The following NOS1AP variants were observed in gnomAD, a reference collection of about 807,000 sequenced individuals.
The protein encoded by NOS1AP is carboxyl-terminal PDZ ligand of neuronal nitric oxide synthase protein.
A neutral mutation model predicts 56.2 loss-of-function variants in NOS1AP; 21 were observed. The ratio of observed to expected loss-of-function variants is 0.37; its 90% CI spans 0.26 to 0.54. The LOEUF (loss-of-function observed/expected upper bound fraction) is 0.54. Among genes scored for constraint, NOS1AP ranks in the 20% least tolerant of loss-of-function variants. The pLI, the probability that NOS1AP is intolerant of heterozygous loss-of-function variation, is 0.84. For synonymous variants in NOS1AP, 270 were observed against 274.6 expected, an observed-to-expected ratio of 0.98 and a Z score of 0.17; for missense variants, 522 against 657.8, an observed-to-expected ratio of 0.79 and a Z score of 2.26.
At chr1:162,091,136 C>G (rs1425909987) in intron 1 of NOS1AP, among the ~76,000 whole-genome samples, 1 of 152,020 alleles carries the variant, frequency 6.6e-6, no homozygotes, top group Non-Finnish European at 1.5e-5. Flanking sequence ...CTTCTCTTTT[C>G]TTTGTCTCTG....
At chr1:162,272,009 A>T (rs1654595365) in intron 2 of NOS1AP, among the ~76,000 whole-genome samples, 1 of 152,084 alleles carries the variant, frequency 6.6e-6, no homozygotes, top group South Asian at 2.1e-4. Flanking sequence ...CCTCCTGAGT[A>T]GGGACTGCCA....
intron 5 of NOS1AP, chr1:162,342,703 T>C (rs1657148622): frequency 2.5e-6 from 1 of 396,154 alleles, no homozygotes; most frequent in Non-Finnish European, 5.2e-6. Context: ...AGCTACCTCA[T>C]GCTGATGAAA....
chr1:162,116,814 A>G (rs532304469), intron 1 of NOS1AP, among the ~76,000 whole-genome samples: 8 of 152,188 alleles, frequency 5.3e-5, no homozygotes, highest in Non-Finnish European at 1.2e-4. Flanking sequence ...AGAGAACTTC[A>G]CTTGCCTGCC....
At chr1:162,229,650 A>G (rs1287155161) in intron 2 of NOS1AP, among the ~76,000 whole-genome samples, 1 of 152,136 alleles carries the variant, frequency 6.6e-6, no homozygotes, top group Non-Finnish European at 1.5e-5. Context: ...CCCTCACGTG[A>G]TAGGAGCTAA....
intron 4 of NOS1AP, among the ~76,000 whole-genome samples, chr1:162,307,282 C>T (rs1173385084): frequency 6.6e-6 from 1 of 152,078 alleles, no homozygotes; most frequent in African/African-American, 2.4e-5. Flanking sequence ...TAAATTAGTC[C>T]CTAGGCTGTT....
intron 1 of NOS1AP, among the ~76,000 whole-genome samples, chr1:162,128,660 A>G (rs1488576653): frequency 6.6e-6 from 1 of 151,916 alleles, no homozygotes; most frequent in Admixed American, 6.6e-5. Flanking sequence ...CTATTTTTTT[A>G]TTATCCATTT....
chr1:162,113,647 T>C (rs1160079659), intron 1 of NOS1AP, among the ~76,000 whole-genome samples: 1 of 151,014 alleles, frequency 6.6e-6, no homozygotes, highest in Non-Finnish European at 1.5e-5. Context: ...TAGGGAGGGG[T>C]GCCACACACT....
At chr1:162,362,962 C>T in intron 8 of NOS1AP, 1 of 955,714 alleles carries the variant, frequency 1.0e-6, no homozygotes, top group Non-Finnish European at 1.2e-6. Flanking sequence ...TTTCTTCCTG[C>T]TATACTGTCA....
intron 2 of NOS1AP, among the ~76,000 whole-genome samples, chr1:162,213,487 C>T (rs1434782353): frequency 1.3e-5 from 2 of 152,194 alleles, no homozygotes; most frequent in African/African-American, 4.8e-5. Flanking sequence ...TCACCTTCAC[C>T]TGAGCTGTGT....
At chr1:162,121,661 A>C (rs1648241503) in intron 1 of NOS1AP, among the ~76,000 whole-genome samples, 1 of 152,214 alleles carries the variant, frequency 6.6e-6, no homozygotes. Context: ...TGTCTGCCAT[A>C]TATGAAGTGC....
intron 1 of NOS1AP, among the ~76,000 whole-genome samples, chr1:162,074,771 G>A (rs1325989485): frequency 6.6e-6 from 1 of 152,180 alleles, no homozygotes. Context: ...TTCATCCACA[G>A]CTAGGCTGGA....
In NOS1AP at chr1:162,287,335, T is replaced by G; in HGVS notation, c.178-9T>G. On this transcript the variant is annotated splice_polypyrimidine_tract_variant and intron_variant, in intron 2 of 9. Coordinates refer to ENST00000361897, the MANE Select transcript of NOS1AP (RefSeq NM_014697.3). ...TTGCACTTTCTTTTTGTTTTCTTCT[T>G]TCTTGCAGTATGAGTTTAAAGCCAA... is the stretch of plus-strand genomic sequence containing the variant. 1 of 1,596,120 alleles carries G rather than the reference T, an allele frequency of 6.3e-7. No individual in the cohort carries two copies. The highest frequency in any genetic ancestry group is 1.1e-5 in the South Asian group (1 of 90,696).
chr1:162,283,084 C>G (rs1157582523), intron 2 of NOS1AP, among the ~76,000 whole-genome samples: 1 of 140,218 alleles, frequency 7.1e-6, no homozygotes, highest in Non-Finnish European at 1.5e-5. Flanking sequence ...ATTGCTTGCT[C>G]GCTCTCCCTC....
chr1:162,266,564 G>C (rs766230318), intron 2 of NOS1AP, among the ~76,000 whole-genome samples: 14 of 152,272 alleles, frequency 9.2e-5, no homozygotes, highest in Non-Finnish European at 1.6e-4. Context: ...TCTAATACTG[G>C]TTGTAAGAAG....
intron 3 of NOS1AP, among the ~76,000 whole-genome samples, chr1:162,297,817 T>C (rs1336871714): frequency 2.0e-5 from 3 of 152,286 alleles, no homozygotes; most frequent in Admixed American, 6.5e-5. Context: ...ACCCTAGACA[T>C]TTTATATAAA....
At chr1:162,254,157 G>A (rs562307966) in intron 2 of NOS1AP, among the ~76,000 whole-genome samples, 27 of 152,280 alleles carry the variant, frequency 1.8e-4, no homozygotes, top group South Asian at 4.1e-4. Flanking sequence ...TCAGTGCCTC[G>A]TTTCAGCATC....
At chr1:162,083,721 C>A (rs189907608) in intron 1 of NOS1AP, among the ~76,000 whole-genome samples, 2 of 152,158 alleles carry the variant, frequency 1.3e-5, no homozygotes, top group African/African-American at 4.8e-5. Context: ...AGGAAATTAC[C>A]TGCAAATTCC....
intron 2 of NOS1AP, among the ~76,000 whole-genome samples, chr1:162,258,465 T>C (rs1017475669): frequency 1.3e-5 from 2 of 152,124 alleles, no homozygotes; most frequent in African/African-American, 4.8e-5. Context: ...TTTCCTCCCA[T>C]GGAATCCACC....
chr1:162,103,868 A>G (rs942363110), intron 1 of NOS1AP, among the ~76,000 whole-genome samples: 7 of 152,054 alleles, frequency 4.6e-5, no homozygotes, highest in Non-Finnish European at 1.0e-4. Flanking sequence ...GCAGCTTGCC[A>G]TTCTGTGTCT....
Sources: gnomAD v4.1 joint callset for allele counts (sites outside exome capture counted in the v4.1 genomes callset) on GRCh38, gnomAD v4.1.1 for gene constraint, MANE v1.5 for transcripts, NCBI Gene and HGNC (gene_info 2026-07-23, HGNC 2026-07-21) for gene names.